Variants in SH3PXD2B observed in about 807,000 individuals in gnomAD.
SH3PXD2B encodes the protein SH3 and PX domain-containing protein 2B.
A neutral mutation model predicts 73.1 loss-of-function variants in SH3PXD2B; 37 were observed. The observed-to-expected ratio is 0.51, with a 90% CI of 0.39 to 0.67. The LOEUF (loss-of-function observed/expected upper bound fraction) is 0.67, where lower values mean the gene tolerates loss of function less well. Ranked by LOEUF, SH3PXD2B falls within the 30% of genes least tolerant of loss-of-function variation. SH3PXD2B has a pLI of 0.00. For synonymous variants in SH3PXD2B, 457 were observed against 480.5 expected (o/e 0.95, Z 0.64); for missense variants, 1,053 against 1,197.8 (o/e 0.88, Z 1.78).
intron 6 of SH3PXD2B, 150 bp downstream of exon 6, chr5:172,373,640 C>A: frequency 1.2e-6 from 1 of 830,672 alleles, no homozygotes; most frequent in East Asian, 2.7e-5. Flanking sequence ...GTTCAGCCAC[C>A]CCTCCTTCCC....
chr5:172,365,461 AG>A, intron 6 of SH3PXD2B, among the ~76,000 whole-genome samples: 1 of 152,324 alleles, frequency 6.6e-6, no homozygotes, highest in South Asian at 2.1e-4. Context: ...AAGATGACGG[AG>A]GAAGAAGGGT....
chr5:172,400,021 C>T (rs1226910869), intron 3 of SH3PXD2B, among the ~76,000 whole-genome samples: 1 of 152,106 alleles, frequency 6.6e-6, no homozygotes, highest in Non-Finnish European at 1.5e-5. Context: ...TGATAAATAC[C>T]CCCCTCTGTG....
intron 1 of SH3PXD2B, among the ~76,000 whole-genome samples, chr5:172,427,296 A>G (rs1276895294): frequency 6.6e-6 from 1 of 152,204 alleles, no homozygotes; most frequent in Non-Finnish European, 1.5e-5. Flanking sequence ...TCAAATTTAT[A>G]GACATAGAAA....
At chr5:172,346,315 C>G in intron 11 of SH3PXD2B, 54 bp from the exon 12 acceptor site, 3 of 1,611,020 alleles carry the variant, frequency 1.9e-6, no homozygotes, top group Non-Finnish European at 2.5e-6. Flanking sequence ...TCCTGCGACC[C>G]TGTGTCAGGG....
intron 3 of SH3PXD2B, 100 bp from the exon 4 acceptor site, chr5:172,394,739 A>C: frequency 1.9e-5 from 24 of 1,256,318 alleles, no homozygotes; most frequent in Non-Finnish European, 2.7e-5. Flanking sequence ...GGTAGGTCTG[A>C]GTGGTGCCAA....
At chr5:172,332,255 C>CTT (rs1756570674), downstream of SH3PXD2B, among the ~76,000 whole-genome samples, 1 of 145,882 alleles carries the variant, frequency 6.9e-6, no homozygotes, top group African/African-American at 2.5e-5. Context: ...CTTTTTCCTT[C>CTT]CTTTTTTTTT....
At chr5:172,350,285 G>A in intron 10 of SH3PXD2B, 78 bp downstream of exon 10, 1 of 1,425,910 alleles carries the variant, frequency 7.0e-7, no homozygotes. Flanking sequence ...GAGGATGAGG[G>A]ACGATGTGAG....
downstream of SH3PXD2B, among the ~76,000 whole-genome samples, chr5:172,332,688 C>T (rs1292119769): frequency 6.6e-6 from 1 of 152,116 alleles, no homozygotes; most frequent in South Asian, 2.1e-4. Context: ...TATCCCTTCC[C>T]TCCAAGTTCT....
intron 1 of SH3PXD2B, among the ~76,000 whole-genome samples, chr5:172,438,339 C>A (rs1421480146): frequency 6.6e-6 from 1 of 152,168 alleles, no homozygotes; most frequent in African/African-American, 2.4e-5. Context: ...GTGCTGGTCT[C>A]TTTGCATTAC....
rs1757763797 is a variant in SH3PXD2B at position 172,373,838 on chromosome 5, G to A, written c.402-23C>T. Reference sequence around the variant, plus strand: ...TCCCTGTACAGGAAAGAAAGGGGGTGGGAAGAGTAACGAGTCAGTACTTGC... The same window carrying A: ...TCCCTGTACAGGAAAGAAAGGGGGTAGGAAGAGTAACGAGTCAGTACTTGC... On this transcript the variant is annotated intron_variant, in intron 5 of 12. Coordinates refer to ENST00000311601, the MANE Select transcript of SH3PXD2B (RefSeq NM_001017995.3). 7 of 1,613,642 alleles carry A rather than the reference G, an allele frequency of 4.3e-6. No individual in the cohort carries two copies. The South Asian group carries it at 7.7e-5, about 18-fold the overall frequency.
intron 1 of SH3PXD2B, among the ~76,000 whole-genome samples, chr5:172,423,584 T>C (rs974489629): frequency 1.3e-5 from 2 of 149,178 alleles, no homozygotes; most frequent in African/African-American, 2.5e-5. Flanking sequence ...TGGTGATTGG[T>C]TGAAGGGAGA....
chr5:172,448,041 T>C (rs760080434), intron 1 of SH3PXD2B, among the ~76,000 whole-genome samples: 11 of 152,132 alleles, frequency 7.2e-5, no homozygotes, highest in African/African-American at 1.7e-4. Context: ...AAGAAAGCAA[T>C]AGTCGTTAAA....
At chr5:172,441,479 T>C (rs189359880) in intron 1 of SH3PXD2B, among the ~76,000 whole-genome samples, 1 of 152,320 alleles carries the variant, frequency 6.6e-6, no homozygotes, top group East Asian at 1.9e-4. Flanking sequence ...AGTTAATGGC[T>C]TTGTTCAAGA....
chr5:172,347,961 G>A (rs1248759745), intron 10 of SH3PXD2B, among the ~76,000 whole-genome samples: 1 of 152,216 alleles, frequency 6.6e-6, no homozygotes, highest in East Asian at 1.9e-4. Flanking sequence ...TCAGGGCCAG[G>A]AGGATGAGGA....
intron 3 of SH3PXD2B, among the ~76,000 whole-genome samples, chr5:172,398,631 C>T (rs575256010): frequency 2.7e-4 from 41 of 152,168 alleles, no homozygotes; most frequent in African/African-American, 7.2e-4. Context: ...GAATGGTGGT[C>T]GATAAACAAC....
intron 10 of SH3PXD2B, among the ~76,000 whole-genome samples, chr5:172,348,630 C>CTTATCT (rs1561896299): frequency 1.3e-5 from 1 of 79,976 alleles, no homozygotes; most frequent in Non-Finnish European, 2.4e-5. Flanking sequence ...ATCTATGTAT[C>CTTATCT]TATCTATGTA....
intron 4 of SH3PXD2B, among the ~76,000 whole-genome samples, chr5:172,385,916 T>C (rs1366508688): frequency 6.6e-6 from 1 of 152,244 alleles, no homozygotes; most frequent in African/African-American, 2.4e-5. Context: ...GAAACCATTC[T>C]GCTTCTGAAA....
downstream of SH3PXD2B, among the ~76,000 whole-genome samples, chr5:172,329,327 G>A (rs1394476232): frequency 1.3e-5 from 2 of 150,464 alleles, no homozygotes; most frequent in Non-Finnish European, 3.0e-5. Flanking sequence ...CAAGTGATCC[G>A]ATCACCTCAG....
At chr5:172,355,779 C>T (rs1757258709) in intron 8 of SH3PXD2B, among the ~76,000 whole-genome samples, 1 of 152,040 alleles carries the variant, frequency 6.6e-6, no homozygotes, top group Admixed American at 6.5e-5. Context: ...CTCCTGACCT[C>T]GTGATCCGCC....
Sources: gnomAD v4.1 joint callset for allele counts (sites outside exome capture counted in the v4.1 genomes callset) on GRCh38, gnomAD v4.1.1 for gene constraint, MANE v1.5 for transcripts, NCBI Gene and HGNC (gene_info 2026-07-23, HGNC 2026-07-21) for gene names.